The following POC1B variants were observed in gnomAD, a reference collection of about 807,000 sequenced individuals.
POC1B encodes the protein POC1 centriolar protein B, also known as POC1 centriolar protein homolog B.
A neutral mutation model predicts 60.6 loss-of-function variants in POC1B; 44 were observed. The ratio of observed to expected loss-of-function variants is 0.73; its 90% CI spans 0.57 to 0.93. The LOEUF (loss-of-function observed/expected upper bound fraction) is 0.93. POC1B is among the 40% of genes least tolerant of loss of function. The pLI is 0.00. For synonymous variants in POC1B, 180 were observed against 198.9 expected (o/e 0.90, Z 0.80); for missense variants, 555 against 572.3 (o/e 0.97, Z 0.31).
At chr12:89,424,153 T>C (rs1199260705) in intron 11 of POC1B, among the ~76,000 whole-genome samples, 1 of 152,240 alleles carries the variant, frequency 6.6e-6, no homozygotes, top group Admixed American at 6.5e-5. Context: ...ATCTGTCAGA[T>C]GCCTCCAAAG....
chr12:89,500,797 CAGA>C (rs1277516444), intron 2 of POC1B: 10 of 1,009,628 alleles, frequency 9.9e-6, no homozygotes, highest in Non-Finnish European at 1.5e-5. Flanking sequence ...GATAAAACAT[CAGA>C]AGGACAAGAA....
At chr12:89,438,037 T>G (rs1236121951) in intron 10 of POC1B, among the ~76,000 whole-genome samples, 8 of 138,226 alleles carry the variant, frequency 5.8e-5, no homozygotes, top group African/African-American at 1.9e-4. Flanking sequence ...GGCGACAGAG[T>G]GAGAAACCGT....
At chr12:89,502,225 G>T in intron 2 of POC1B, 1 of 1,206,062 alleles carries the variant, frequency 8.3e-7, no homozygotes, top group Non-Finnish European at 1.2e-6. Context: ...TGATGAGGAA[G>T]TTCCTGGAAG....
the POC1B span, among the ~76,000 whole-genome samples, chr12:89,408,696 C>G: frequency 6.6e-6 from 1 of 152,096 alleles, no homozygotes; most frequent in Non-Finnish European, 1.5e-5. Flanking sequence ...ACCATGTTAT[C>G]CAGGATGGTC....
intron 10 of POC1B, among the ~76,000 whole-genome samples, chr12:89,456,239 C>T (rs1361012550): frequency 3.3e-5 from 5 of 152,174 alleles, no homozygotes; most frequent in Admixed American, 6.5e-5. Context: ...CAGGCTAGTC[C>T]GGAACCCCTG....
chr12:89,433,162 A>C (rs143966524), intron 10 of POC1B, among the ~76,000 whole-genome samples: 3 of 151,978 alleles, frequency 2.0e-5, no homozygotes, highest in African/African-American at 7.3e-5. Context: ...GAATCTAAGC[A>C]ACAATTTTTT....
chr12:89,445,574 A>T (rs1400049669), intron 10 of POC1B, among the ~76,000 whole-genome samples: 1 of 152,228 alleles, frequency 6.6e-6, no homozygotes, highest in Non-Finnish European at 1.5e-5. Flanking sequence ...CTGAAACTGG[A>T]TCCCTTCCTT....
rs967147398 is a variant in POC1B at position 89,459,583 on chromosome 12, C to T, written c.1113+55G>A. ...ATTTTTTAAAGGAAAATGGATTATG[C>T]CAAATGATTAAATGCCACTTAAGTG... On this transcript the variant is annotated intron_variant, in intron 10 of 11. Coordinates refer to ENST00000313546, the MANE Select transcript of POC1B (RefSeq NM_172240.3). The T allele has an allele frequency of 2.4e-5, 25 of 1,030,168 alleles. No homozygotes were observed. The East Asian group carries it at 6.4e-4, about 26-fold the overall frequency. The allele number at this position is 1,030,168 out of a possible 1,614,324, so 63.8% of individuals were successfully genotyped here.
At chr12:89,489,950 A>C (rs1363228212) in intron 4 of POC1B, among the ~76,000 whole-genome samples, 1 of 152,180 alleles carries the variant, frequency 6.6e-6, no homozygotes, top group Non-Finnish European at 1.5e-5. Flanking sequence ...GGCCAGAGTC[A>C]CCACCTGGTA....
Position 89,425,372 on chromosome 12 carries a change from T to G in POC1B, c.1121A>C (p.Glu374Ala). 1 of 1,612,690 alleles carries G rather than the reference T, an allele frequency of 6.2e-7. No homozygotes were observed. Among genetic ancestry groups the G allele is most frequent in the Middle Eastern group, 1.7e-4 (1 of 6,052 alleles). Residue 374 changes from glutamate to alanine, a missense_variant, in exon 11 of 12, where the codon GAA becomes GCA. Physicochemically the swap from Glu to Ala is moderately radical, Grantham distance 107. Transcript: ENST00000313546. ...GTCTGGCAGAGTCCTACCACTGGTT[T>G]CTGTTGTCTTTAATGTCACAGAAAA... Reference protein sequence around the residue: ...ILSFDSTTTTETSGRTLPDKG... With the variant: ...ILSFDSTTTTATSGRTLPDKG...
the POC1B span, among the ~76,000 whole-genome samples, chr12:89,402,676 T>A: frequency 6.6e-5 from 10 of 152,310 alleles, no homozygotes; most frequent in South Asian, 2.1e-4. Context: ...TCCAGTTTCA[T>A]CCATGTTCCA....
At chr12:89,483,814 T>C (rs539472118) in intron 4 of POC1B, among the ~76,000 whole-genome samples, 1 of 152,134 alleles carries the variant, frequency 6.6e-6, no homozygotes, top group Non-Finnish European at 1.5e-5. Flanking sequence ...AAATGGTAAG[T>C]GCAGTGTTTT....
intron 3 of POC1B, among the ~76,000 whole-genome samples, chr12:89,495,771 T>C (rs1294858794): frequency 6.6e-6 from 1 of 151,970 alleles, no homozygotes; most frequent in Non-Finnish European, 1.5e-5. Context: ...TTATTATTAT[T>C]ATTATTGAGA....
In POC1B at chr12:89,514,666, C is replaced by T. The variant is rs564347883; in HGVS notation, c.100+10454G>A. ...CAAGTGATCTGCCTGCCTCAGCCTC[C>T]CAAAGTGCTGGGATTGCAGGCATAA... On this transcript the variant is annotated intron_variant, in intron 2 of 11. Transcript: ENST00000313546. 7.9e-5 allele frequency among the ~76,000 whole-genome samples: 12 copies of T among 152,136 alleles called. 1 individual carries two copies. In the South Asian group the frequency reaches 2.5e-3, roughly 32 times the overall value.
chr12:89,491,798 C>T (rs113467193), intron 4 of POC1B, 138 bp downstream of exon 4: 18,970 of 649,406 alleles, frequency 0.029, 374 homozygotes, highest in Non-Finnish European at 0.035. Flanking sequence ...CTACCGTTCC[C>T]GCACAAAGCA....
chr12:89,470,372 G>C lies in POC1B; in HGVS notation c.799C>G (p.Gln267Glu). The change falls in exon 7 of 12, where the codon CAA becomes GAA. Residue 267 changes from glutamine to glutamate, a missense_variant. Coordinates refer to ENST00000313546, the MANE Select transcript of POC1B (RefSeq NM_172240.3). ...LLEGRLIYTL[Q>E]GHTGPVFTVS... ...CTGAGTGTTAATACCGTATGTCCTT[G>C]AAGTGTATAGATGAGCCTTCCTTCT... The C allele has an allele frequency of 1.3e-6, 2 of 1,540,266 alleles. No individual in the cohort carries two copies. Among genetic ancestry groups the C allele is most frequent in the Non-Finnish European group, 1.8e-6 (2 of 1,129,878 alleles).
At position 89,525,869 on chromosome 12, in the gene POC1B, A is replaced by G. The variant is rs1483871057; in HGVS notation, c.15+12T>C. On this transcript the variant is annotated intron_variant, in intron 1 of 11. Transcript: ENST00000313546. ...CAGGGAGGGACCCCCCCCACCTCCA[A>G]CCCGTCCTTACCGTGGCTGAGGCCA... 5.6e-6 allele frequency: 8 copies of G among 1,440,568 alleles called. No homozygotes were observed. The highest frequency in any genetic ancestry group is 1.4e-5 in the African/African-American group (1 of 69,414). The allele number at this position is 1,440,568 out of a possible 1,614,324, so 89.2% of individuals were successfully genotyped here.
intron 3 of POC1B, among the ~76,000 whole-genome samples, chr12:89,494,160 C>T (rs1214659928): frequency 6.6e-6 from 1 of 152,160 alleles, no homozygotes; most frequent in African/African-American, 2.4e-5. Flanking sequence ...CCTCCTCAGC[C>T]TCCTGAGGAG....
intron 4 of POC1B, among the ~76,000 whole-genome samples, chr12:89,485,635 C>T (rs1050711493): frequency 6.6e-6 from 1 of 152,032 alleles, no homozygotes; most frequent in Non-Finnish European, 1.5e-5. Context: ...CAGCAACTGG[C>T]CAATTGAACA....
Sources: allele counts gnomAD v4.1 joint callset (sites outside exome capture counted in the v4.1 genomes callset), GRCh38; gene constraint gnomAD v4.1.1; transcripts MANE v1.5; gene names NCBI Gene and HGNC (gene_info 2026-07-23, HGNC 2026-07-21).